The following LAMA1 variants were observed in gnomAD, a reference collection of about 807,000 sequenced individuals.
LAMA1 encodes laminin subunit alpha-1.
LAMA1 carries 219 observed loss-of-function variants against 348.7 expected under a neutral mutation model. The ratio of observed to expected loss-of-function variants is 0.63; its 90% CI spans 0.56 to 0.70. LAMA1 has a LOEUF of 0.70. Among genes scored for constraint, LAMA1 ranks in the 30% least tolerant of loss-of-function variants. The pLI is 0.00. For missense variants in LAMA1, 3,744 were observed against 3,888.0 expected, an observed-to-expected ratio of 0.96 and a Z score of 0.99; for synonymous variants, 1,487 against 1,491.0, an observed-to-expected ratio of 1.00 and a Z score of 0.06.
chr18:6,942,756 TA>T (rs912252492), intron 62 of LAMA1, among the ~76,000 whole-genome samples: 2 of 152,136 alleles, frequency 1.3e-5, no homozygotes, highest in Admixed American at 6.5e-5. Flanking sequence ...AGTTATAACT[TA>T]AAAAAAGTCA....
intron 9 of LAMA1, 136 bp downstream of exon 9, chr18:7,042,009 G>A (rs1347023405): frequency 1.6e-5 from 11 of 700,930 alleles, no homozygotes; most frequent in Non-Finnish European, 2.8e-5. Flanking sequence ...CATAGTAGGT[G>A]CTTGATACGT....
intron 20 of LAMA1, among the ~76,000 whole-genome samples, 178 bp downstream of exon 20, chr18:7,017,100 C>G (rs2057892067): frequency 6.6e-6 from 1 of 152,186 alleles, no homozygotes; most frequent in South Asian, 2.1e-4. Flanking sequence ...CCTCCCCAAC[C>G]ATGCGAAACT....
At chr18:7,107,276 G>A (rs866732393) in intron 1 of LAMA1, among the ~76,000 whole-genome samples, 22 of 151,898 alleles carry the variant, frequency 1.4e-4, no homozygotes, top group African/African-American at 1.5e-4. Context: ...CCGCCACCAC[G>A]CCCGGCTAAT....
intron 41 of LAMA1, among the ~76,000 whole-genome samples, chr18:6,980,874 C>T (rs2057708451): frequency 6.6e-6 from 1 of 152,096 alleles, no homozygotes; most frequent in South Asian, 2.1e-4. Flanking sequence ...GCAGGCAGAT[C>T]ACAAGGTCAG....
chr18:7,042,161 A>C lies in LAMA1; in HGVS notation c.1245T>G (p.His415Gln), dbSNP rs1333559611. Residue 415 changes from histidine to glutamine, a missense_variant, in exon 9 of 63, where the codon CAT becomes CAG. Transcript: ENST00000389658. Reference sequence around the variant, plus strand: ...AGTACTTACCATTGTGTAAGTCAGAATGGAGGTCATCCTTAATACAGACAG... The same window carrying C: ...AGTACTTACCATTGTGTAAGTCAGACTGGAGGTCATCCTTAATACAGACAG... ...LSSVCIKDDL[H>Q]SDLHNGKQPG... 2 of 1,610,636 alleles carry C rather than the reference A, an allele frequency of 1.2e-6. No homozygotes were observed. Among genetic ancestry groups the C allele is most frequent in the Non-Finnish European group, 1.7e-6 (2 of 1,177,586 alleles).
Position 7,115,814 on chromosome 18 carries a change from C to CAAAACAAAAAAAAAAA in LAMA1, c.61+1845_61+1846insTTTTTTTTTTTGTTTT, listed in dbSNP as rs58813825. Reference sequence around the variant, plus strand: ...TGAAACCCTGTCTCCACTAAAAATACAAAAAAAAAAAAAAAAAAATAGCCG... The same window carrying CAAAACAAAAAAAAAAA: ...TGAAACCCTGTCTCCACTAAAAATACAAAACAAAAAAAAAAAAAAAAAAAAAAAAAAAAAATAGCCG... On this transcript the variant is annotated intron_variant, in intron 1 of 62. Transcript: ENST00000389658. Among the ~76,000 whole-genome samples the CAAAACAAAAAAAAAAA allele has an allele frequency of 8.0e-4, 76 of 94,758 alleles. 1 individual carries two copies. The highest frequency in any genetic ancestry group is 1.1e-3 in the East Asian group (2 of 1,886). The allele number at this position is 94,758 out of a possible 152,430, so 62.2% of individuals were successfully genotyped here. A position where few individuals can be genotyped will look rare whatever the true frequency, so the allele number is the denominator to read the frequency against.
intron 1 of LAMA1, among the ~76,000 whole-genome samples, chr18:7,105,397 C>T (rs2058307769): frequency 6.6e-6 from 1 of 151,900 alleles, no homozygotes; most frequent in African/African-American, 2.4e-5. Context: ...TGAGATCGCA[C>T]CTCTGCACTC....
chr18:6,961,282 C>T (rs1304929004), intron 53 of LAMA1, among the ~76,000 whole-genome samples: 2 of 152,066 alleles, frequency 1.3e-5, no homozygotes, highest in Non-Finnish European at 2.9e-5. Flanking sequence ...AGAAAAATGA[C>T]CACAACATGG....
chr18:7,062,090 G>C (rs2058104272), intron 3 of LAMA1, among the ~76,000 whole-genome samples: 1 of 152,216 alleles, frequency 6.6e-6, no homozygotes, highest in South Asian at 2.1e-4. Context: ...CTGAGCATCT[G>C]CTTTGTCACA....
intron 32 of LAMA1, among the ~76,000 whole-genome samples, 183 bp downstream of exon 32, chr18:6,999,262 A>G (rs1290849487): frequency 1.3e-5 from 2 of 152,202 alleles, no homozygotes; most frequent in Admixed American, 6.5e-5. Context: ...CCTCAGCTGG[A>G]AAACACATGA....
At chr18:6,973,021 A>C in intron 47 of LAMA1, 36 bp downstream of exon 47, 2 of 1,612,196 alleles carry the variant, frequency 1.2e-6, no homozygotes, top group Admixed American at 3.3e-5. Flanking sequence ...AAAATCAGTC[A>C]ATCAGTCCTG....
Position 7,015,759 on chromosome 18 carries a change from T to A in LAMA1, c.3089A>T (p.Asp1030Val), listed in dbSNP as rs2057884713. 1 of 1,613,924 alleles carries A rather than the reference T, an allele frequency of 6.2e-7. No individual in the cohort carries two copies. The highest frequency in any genetic ancestry group is 1.1e-5 in the South Asian group (1 of 91,076). The part of the protein sequence containing the change: ...TQGVKCEECE[D>V]GHWGYDAEVG... ...CTCCGCATCGTAGCCCCAGTGCCCA[T>A]CCTCACATTCTTCACACTTCACACC... Residue 1030 changes from aspartate (D) to valine (V), a missense_variant, in exon 22 of 63, where the codon GAT becomes GTT. Transcript: ENST00000389658.
intron 1 of LAMA1, among the ~76,000 whole-genome samples, chr18:7,094,059 G>A (rs1291808331): frequency 6.6e-6 from 1 of 152,126 alleles, no homozygotes; most frequent in Non-Finnish European, 1.5e-5. Context: ...TTATAGGAGT[G>A]AGCCACTACG....
intron 19 of LAMA1, among the ~76,000 whole-genome samples, chr18:7,019,555 C>T (rs1011368425): frequency 2.0e-5 from 3 of 151,792 alleles, no homozygotes; most frequent in East Asian, 1.9e-4. Context: ...AGGAGGGAGG[C>T]GAAATAATGT....
intron 19 of LAMA1, among the ~76,000 whole-genome samples, chr18:7,021,232 G>A (rs2057914044): frequency 2.6e-5 from 4 of 152,058 alleles, no homozygotes; most frequent in South Asian, 2.1e-4. Context: ...GCCCGCCTCC[G>A]TGCCTTCAAG....
At chr18:7,008,732 C>T (rs969605784) in intron 27 of LAMA1, 124 bp from the exon 28 acceptor site, 47 of 1,122,736 alleles carry the variant, frequency 4.2e-5, no homozygotes, top group East Asian at 4.1e-4. Flanking sequence ...TGGAGTAGTT[C>T]CTGCTTGTGA....
At position 7,040,148 on chromosome 18, in the gene LAMA1, G is replaced by C; in HGVS notation, c.1350C>G (p.Thr450=). ...CTGGGTTGCACCCACAGGAGACACAGGTCGGGTAATCCTTATAGCCAAGTT... is the reference window on the plus strand; with the variant it reads ...CTGGGTTGCACCCACAGGAGACACACGTCGGGTAATCCTTATAGCCAAGTT... ...RCQLGYKDYP[T]CVSCGCNPVG... Residue 450 remains threonine, a synonymous_variant, in exon 10 of 63, where the codon ACC becomes ACG. Coordinates refer to ENST00000389658, the MANE Select transcript of LAMA1 (RefSeq NM_005559.4). 1 of 1,614,082 alleles carries C rather than the reference G, an allele frequency of 6.2e-7. No homozygotes were observed. Among genetic ancestry groups the C allele is most frequent in the Non-Finnish European group, 8.5e-7 (1 of 1,180,012 alleles).
rs550661867 is a variant in LAMA1, at chr18:7,036,578, G to A, written c.1738-490C>T. On this transcript the variant is annotated intron_variant, in intron 12 of 62. Transcript: ENST00000389658. ...AAAATTAAGATTTTCTTTCTGATGGGTATATGACAGCAATATATTGTTCAG... is the reference window on the plus strand; with the variant it reads ...AAAATTAAGATTTTCTTTCTGATGGATATATGACAGCAATATATTGTTCAG... 3.9e-5 allele frequency among the ~76,000 whole-genome samples: 6 copies of A among 152,054 alleles called. No individual in the cohort carries two copies. The East Asian group carries it at 1.2e-3, about 29-fold the overall frequency.
chr18:7,088,006 A>C (rs1232684709), intron 1 of LAMA1, among the ~76,000 whole-genome samples: 1 of 152,188 alleles, frequency 6.6e-6, no homozygotes, highest in African/African-American at 2.4e-5. Context: ...TATAGCTCAT[A>C]TATTTGAATC....
Sources: allele counts gnomAD v4.1 joint callset (sites outside exome capture counted in the v4.1 genomes callset), GRCh38; gene constraint gnomAD v4.1.1; transcripts MANE v1.5; gene names NCBI Gene and HGNC (gene_info 2026-07-23, HGNC 2026-07-21).